Variants in DCC observed in about 807,000 individuals in gnomAD.
DCC encodes the protein netrin receptor DCC.
Under a neutral mutation model 172.5 loss-of-function variants are expected in DCC, and 58 were observed. The observed-to-expected ratio is 0.34, with a 90% CI of 0.27 to 0.42. The LOEUF (loss-of-function observed/expected upper bound fraction) is 0.42. Ranked by LOEUF, DCC falls within the 10% of genes least tolerant of loss-of-function variation. DCC has a pLI of 1.00. For synonymous variants in DCC, 709 were observed against 644.5 expected, an observed-to-expected ratio of 1.10 and a Z score of -1.52; for missense variants, 1,740 against 1,791.0, an observed-to-expected ratio of 0.97 and a Z score of 0.51.
Position 53,182,291 on chromosome 18 carries a change from A to G in DCC, c.1573+3175A>G, listed in dbSNP as rs559350912. On this transcript the variant is annotated intron_variant, in intron 9 of 28. Transcript: ENST00000442544. ...CAATAACAGCCTTAGAATGCTAACC[A>G]TATTTTGGCCTTTAGTAACAGCATT... Among the ~76,000 whole-genome samples the G allele has an allele frequency of 6.1e-4, 93 of 152,290 alleles. No homozygotes were observed. In the South Asian group the frequency reaches 7.5e-3, roughly 12 times the overall value.
intron 5 of DCC, among the ~76,000 whole-genome samples, chr18:53,003,817 C>A (rs2143852593): frequency 6.6e-6 from 1 of 152,208 alleles, no homozygotes; most frequent in South Asian, 2.1e-4. Context: ...TTAATATTCA[C>A]CTTCTGCTAA....
At chr18:52,553,075 C>T (rs556138978) in intron 1 of DCC, among the ~76,000 whole-genome samples, 43 of 152,020 alleles carry the variant, frequency 2.8e-4, no homozygotes, top group Middle Eastern at 3.4e-3. Flanking sequence ...CATTCCAAAA[C>T]GGCAGAAATC....
chr18:52,662,718 T>A (rs778745749), intron 1 of DCC, among the ~76,000 whole-genome samples: 24 of 152,178 alleles, frequency 1.6e-4, no homozygotes, highest in Non-Finnish European at 2.9e-4. Flanking sequence ...AATTAACACA[T>A]TCACATTTGC....
chr18:52,967,324 G>A (rs985293267), intron 5 of DCC, among the ~76,000 whole-genome samples: 3 of 152,140 alleles, frequency 2.0e-5, no homozygotes, highest in African/African-American at 4.8e-5. Context: ...AGAGTTAACT[G>A]AGTATGGTTG....
chr18:52,690,806 C>T (rs1453900170), intron 1 of DCC, among the ~76,000 whole-genome samples: 1 of 152,008 alleles, frequency 6.6e-6, no homozygotes, highest in Admixed American at 6.6e-5. Context: ...GAAATCAATT[C>T]TGTAGAAATT....
intron 22 of DCC, among the ~76,000 whole-genome samples, chr18:53,438,278 A>G (rs1008164899): frequency 6.6e-6 from 1 of 152,200 alleles, no homozygotes; most frequent in African/African-American, 2.4e-5. Flanking sequence ...GAGAGAAATT[A>G]ACCTATAGGT....
At chr18:53,371,210 A>G (rs777454578) in intron 15 of DCC, among the ~76,000 whole-genome samples, 6 of 151,980 alleles carry the variant, frequency 3.9e-5, no homozygotes, top group Non-Finnish European at 7.4e-5. Context: ...AAAAATGACA[A>G]GATCATCTGT....
chr18:52,413,110 G>GTT (rs140697364), intron 1 of DCC, among the ~76,000 whole-genome samples: 3 of 150,022 alleles, frequency 2.0e-5, no homozygotes, highest in Non-Finnish European at 4.4e-5. Flanking sequence ...AGGCTTATAT[G>GTT]TTTTTTTTTC....
At chr18:52,546,659 TATCATCATCATCATCATCATC>T (rs3086379) in intron 1 of DCC, among the ~76,000 whole-genome samples, 1 of 150,194 alleles carries the variant, frequency 6.7e-6, no homozygotes, top group Non-Finnish European at 1.5e-5. Context: ...TCAATAATAA[TATCATCATCATCATCATCATC>T]ATCATCATCA....
At chr18:53,378,121 C>A (rs533250763) in intron 15 of DCC, among the ~76,000 whole-genome samples, 1 of 152,100 alleles carries the variant, frequency 6.6e-6, no homozygotes, top group East Asian at 1.9e-4. Context: ...GCCTCCTTAC[C>A]CAGCTAATTT....
chr18:53,185,591 A>C (rs1434898704), intron 9 of DCC, among the ~76,000 whole-genome samples: 1 of 152,212 alleles, frequency 6.6e-6, no homozygotes, highest in East Asian at 1.9e-4. Flanking sequence ...TGTGAGCCAC[A>C]TCTCACGAAT....
At chr18:52,416,794 T>C (rs1353862312) in intron 1 of DCC, among the ~76,000 whole-genome samples, 5 of 152,136 alleles carry the variant, frequency 3.3e-5, no homozygotes, top group African/African-American at 1.2e-4. Context: ...GTTTCCTGAA[T>C]ACAGCACACG....
intron 8 of DCC, among the ~76,000 whole-genome samples, chr18:53,165,063 A>T (rs2054895695): frequency 1.3e-5 from 2 of 152,238 alleles, no homozygotes; most frequent in South Asian, 4.1e-4. Context: ...GTGGGAGTGC[A>T]GATGAGAGAA....
chr18:52,775,022 C>T (rs1430701765), intron 2 of DCC, among the ~76,000 whole-genome samples: 1 of 152,048 alleles, frequency 6.6e-6, no homozygotes, highest in Non-Finnish European at 1.5e-5. Flanking sequence ...TTTTTTAAAG[C>T]CCGGTGAAGG....
intron 1 of DCC, among the ~76,000 whole-genome samples, chr18:52,589,385 C>T (rs1468484710): frequency 6.6e-6 from 1 of 152,166 alleles, no homozygotes; most frequent in Non-Finnish European, 1.5e-5. Context: ...ACACAAATAA[C>T]CTAAGTATAT....
rs943533768 is a variant in DCC, at chr18:52,467,210, C to T, written c.91+126332C>T. ...ATCCCTCCCCTAGTCCCCCACCCCC[C>T]GACAGGCCCTGGTGTGTGATGTTCC... is the stretch of plus-strand genomic sequence containing the variant. On this transcript the variant is annotated intron_variant, in intron 1 of 28. Transcript: ENST00000442544. Among the ~76,000 whole-genome samples, 78 of 152,068 alleles carry T rather than the reference C, an allele frequency of 5.1e-4. 1 individual carries two copies. The highest frequency in any genetic ancestry group is 1.3e-4 in the Non-Finnish European group (9 of 67,984).
At chr18:52,558,406 A>G (rs2032963007) in intron 1 of DCC, among the ~76,000 whole-genome samples, 1 of 152,164 alleles carries the variant, frequency 6.6e-6, no homozygotes, top group Non-Finnish European at 1.5e-5. Flanking sequence ...TGTTTTCTAT[A>G]CATACATATT....
At chr18:53,030,456 C>T (rs2042012247) in intron 5 of DCC, among the ~76,000 whole-genome samples, 1 of 151,808 alleles carries the variant, frequency 6.6e-6, no homozygotes, top group Non-Finnish European at 1.5e-5. Flanking sequence ...AGTATTCTAT[C>T]TAGTATTCAG....
At chr18:53,368,995 G>T (rs1312441309) in intron 15 of DCC, among the ~76,000 whole-genome samples, 1 of 151,968 alleles carries the variant, frequency 6.6e-6, no homozygotes, top group Non-Finnish European at 1.5e-5. Context: ...TTTTAATAGA[G>T]ATTGCATTGA....
Sources: allele counts gnomAD v4.1 joint callset (sites outside exome capture counted in the v4.1 genomes callset), GRCh38; gene constraint gnomAD v4.1.1; transcripts MANE v1.5; gene names NCBI Gene and HGNC (gene_info 2026-07-23, HGNC 2026-07-21).